AVIL: variants seen among roughly 807,000 people sequenced by gnomAD.
AVIL encodes advillin.
A neutral mutation model predicts 109.9 loss-of-function variants in AVIL; 78 were observed. The observed-to-expected ratio is 0.71, with a 90% CI of 0.59 to 0.86. The LOEUF is 0.86. AVIL is among the 40% of genes least tolerant of loss of function. The pLI, the probability that AVIL is intolerant of heterozygous loss-of-function variation, is 0.00. For synonymous variants in AVIL, 367 were observed against 379.1 expected (o/e 0.97, Z 0.37); for missense variants, 892 against 1,016.5 (o/e 0.88, Z 1.67).
At chr12:57,809,334 A>G (rs1956002596) in intron 9 of AVIL, among the ~76,000 whole-genome samples, 1 of 152,176 alleles carries the variant, frequency 6.6e-6, no homozygotes, top group Non-Finnish European at 1.5e-5. Flanking sequence ...AATCCTCACA[A>G]TAACCCTAGG....
intron 3 of AVIL, 148 bp from the exon 4 acceptor site, chr12:57,813,571 C>T (rs1956065231): frequency 2.6e-6 from 2 of 769,410 alleles, no homozygotes; most frequent in Middle Eastern, 3.9e-4. Context: ...GCTGCCCTGG[C>T]CCCCGAGCAG....
intron 16 of AVIL, 53 bp from the exon 17 acceptor site, chr12:57,802,401 T>C: frequency 6.5e-7 from 1 of 1,527,706 alleles, no homozygotes. Flanking sequence ...AAGGACTAAG[T>C]ACTAGATCAT....
chr12:57,818,019 T>G (rs1242023317), intron 1 of AVIL, among the ~76,000 whole-genome samples: 1 of 151,744 alleles, frequency 6.6e-6, no homozygotes, highest in Non-Finnish European at 1.5e-5. Context: ...GAAGCTGTTT[T>G]TTGTTGTTGT....
Position 57,799,845 on chromosome 12 carries a change from T to C in AVIL, c.2296A>G (p.Lys766Glu). 1 of 1,614,226 alleles carries C rather than the reference T, an allele frequency of 6.2e-7. No individual in the cohort carries two copies. The highest frequency in any genetic ancestry group is 8.5e-7 in the Non-Finnish European group (1 of 1,180,032). Reference protein sequence around the residue: ...PKYYPIAVLLKNQNQELPEDV... With the variant: ...PKYYPIAVLLENQNQELPEDV... ...TCAGGCAGCTCCTGATTCTGGTTTT[T>C]CAACAGAACTGCTATAGGGTAATAT... Residue 766 changes from lysine (K) to glutamate (E), a missense_variant, in exon 19 of 20, where the codon AAA becomes GAA. Coordinates refer to ENST00000549994, the MANE Select transcript of AVIL (RefSeq NM_006576.4).
In AVIL at chr12:57,814,149, C is replaced by T. The variant is rs202052863; in HGVS notation, c.141+3G>A. 3.7e-6 allele frequency: 6 copies of T among 1,612,764 alleles called. No individual in the cohort carries two copies. The highest frequency in any genetic ancestry group is 4.2e-6 in the Non-Finnish European group (5 of 1,179,618). On this transcript the variant is annotated splice_donor_region_variant and intron_variant, in intron 3 of 19. Transcript: ENST00000549994. The stretch of plus-strand genomic sequence containing the variant: ...TCACAGGAGTGGGGAGGAGGGTGCT[C>T]ACCGAGAGGATGACGTAGCAGTCCC...
In AVIL at chr12:57,803,635, T is replaced by C; in HGVS notation, c.1706A>G (p.Glu569Gly). The change falls in exon 15 of 20, where the codon GAG (glutamate) becomes GGG (glycine). Residue 569 changes from glutamate (E) to glycine (G), a missense_variant. Physicochemically the swap from Glu to Gly is moderately conservative, Grantham distance 98. Transcript: ENST00000549994. ...GCCATCACAGAGAAGGCTGGCCAGC[T>C]CCTTAGCCATTGCCCGCTCATCCCC... ...SSGDERAMAKELASLLCDGSE... is the reference protein window; with the variant it reads ...SSGDERAMAKGLASLLCDGSE... 1.2e-6 allele frequency: 2 copies of C among 1,614,110 alleles called. No individual in the cohort carries two copies. Among genetic ancestry groups the C allele is most frequent in the Non-Finnish European group, 1.7e-6 (2 of 1,180,008 alleles).
chr12:57,807,640 A>G lies in AVIL; in HGVS notation c.1282T>C (p.Tyr428His), dbSNP rs767139403. 6 of 1,614,124 alleles carry G rather than the reference A, an allele frequency of 3.7e-6. No homozygotes were observed. The highest frequency in any genetic ancestry group is 2.7e-5 in the African/African-American group (2 of 74,942). ...GGCTTCCCATTTACCTCGTATGTGT[A>G]GAGGACCAGATAACAGTCTCCCCCA... is the stretch of plus-strand genomic sequence containing the variant. Reference protein sequence around the residue: ...FYGGDCYLVLYTYEVNGKPHH... With the variant: ...FYGGDCYLVLHTYEVNGKPHH... The change falls in exon 12 of 20, where the codon TAC (tyrosine) becomes CAC (histidine). Residue 428 changes from tyrosine to histidine, a missense_variant. By Grantham distance (83) the Tyr-to-His change is moderately conservative. Coordinates refer to ENST00000549994, the MANE Select transcript of AVIL (RefSeq NM_006576.4).
chr12:57,800,706 C>T (rs1358934532), intron 18 of AVIL: 1 of 154,996 alleles, frequency 6.5e-6, no homozygotes, highest in Non-Finnish European at 1.4e-5. Context: ...TTCCTGGGTT[C>T]AAGCAGTTCT....
intron 19 of AVIL, among the ~76,000 whole-genome samples, 159 bp from the exon 20 acceptor site, chr12:57,798,154 T>C (rs909326694): frequency 1.3e-5 from 2 of 152,232 alleles, no homozygotes; most frequent in Non-Finnish European, 2.9e-5. Flanking sequence ...AATTATTCAT[T>C]GGAGAGGTGT....
rs368739145 is a variant in AVIL, at chr12:57,813,333, A to G, written c.232T>C (p.Tyr78His). ...SQDEQSCAAI[Y>H]TTQLDDYLGG... ...AGGTAGTCGTCCAGCTGTGTGGTAT[A>G]TATGGCTGCGCAGCTTTGCTCATCC... The change falls in exon 4 of 20, where the codon TAT becomes CAT. Residue 78 changes from tyrosine (Y) to histidine (H), a missense_variant. Physicochemically the swap from Tyr to His is moderately conservative, Grantham distance 83. Transcript: ENST00000549994. The G allele has an allele frequency of 7.4e-6, 12 of 1,613,874 alleles. No individual in the cohort carries two copies. The African/African-American group carries it at 1.5e-4, about 20-fold the overall frequency.
intron 13 of AVIL, 86 bp from the exon 14 acceptor site, chr12:57,806,625 T>TA: frequency 4.7e-6 from 7 of 1,474,572 alleles, no homozygotes; most frequent in Non-Finnish European, 5.6e-6. Context: ...ACGTGAATGT[T>TA]ATAGTATTAT....
At position 57,803,524 on chromosome 12, in the gene AVIL, C is replaced by T; in HGVS notation, c.1817G>A (p.Arg606Lys). 1 of 1,614,176 alleles carries T rather than the reference C, an allele frequency of 6.2e-7. No individual in the cohort carries two copies. Among genetic ancestry groups the T allele is most frequent in the Admixed American group, 1.7e-5 (1 of 60,010 alleles). Residue 606 changes from arginine to lysine, a missense_variant and splice_region_variant, in exon 15 of 20, where the codon AGA becomes AAA. Physicochemically the swap from Arg to Lys is conservative, Grantham distance 26. Transcript: ENST00000549994. ...GGKTPYANDK[R>K]LQQEILDVQS... Reference sequence around the variant, plus strand: ...AGAGGGGGAGGCTGTGTTCCCATACCTTTTATCATTGGCATAGGGAGTTTT... The same window carrying T: ...AGAGGGGGAGGCTGTGTTCCCATACTTTTTATCATTGGCATAGGGAGTTTT...
Position 57,801,031 on chromosome 12 carries a change from CTA to C in AVIL, c.2220+111_2220+112del, listed in dbSNP as rs371474474. ...AAAGTCTTTACATCAAAACAGACAACTATGGTAATACTAAGGACATGAGTTTT... is the reference window on the plus strand; with the variant it reads ...AAAGTCTTTACATCAAAACAGACAACTGGTAATACTAAGGACATGAGTTTT... On this transcript the variant is annotated intron_variant, in intron 18 of 19. Transcript: ENST00000549994. 128 of 803,074 alleles carry C rather than the reference CTA, an allele frequency of 1.6e-4. 1 individual carries two copies. The African/African-American group carries it at 2.1e-3, about 13-fold the overall frequency. The allele number at this position is 803,074 out of a possible 1,614,324, so 49.7% of individuals were successfully genotyped here. A position where few individuals can be genotyped will look rare whatever the true frequency, so the allele number is the denominator to read the frequency against.
chr12:57,810,601 G>C (rs927941564), intron 6 of AVIL, 50 bp from the exon 7 acceptor site: 2 of 1,594,836 alleles, frequency 1.3e-6, no homozygotes, highest in Non-Finnish European at 8.6e-7. Flanking sequence ...ACCCCTTTCT[G>C]CCTGATGTCT....
Position 57,810,537 on chromosome 12 carries a change from T to A in AVIL, c.573A>T (p.Ala191=), listed in dbSNP as rs1258327997. The A allele has an allele frequency of 1.2e-6, 2 of 1,613,572 alleles. No individual in the cohort carries two copies. The highest frequency in any genetic ancestry group is 2.7e-5 in the African/African-American group (2 of 74,896). Reference sequence around the variant, plus strand: ...CTCGCTCCCTGTCTCGAATATCCTTTGCCAGAAGCATAGCCTGTCAAAGAA... The same window carrying A: ...CTCGCTCCCTGTCTCGAATATCCTTAGCCAGAAGCATAGCCTGTCAAAGAA... ...SGERLKAMLL[A]KDIRDRERGG... Residue 191 remains alanine (A), a synonymous_variant, in exon 7 of 20, where the codon GCA becomes GCT. Coordinates refer to ENST00000549994, the MANE Select transcript of AVIL (RefSeq NM_006576.4).
intron 11 of AVIL, chr12:57,807,952 T>C (rs1955976967): frequency 3.7e-6 from 3 of 813,138 alleles, no homozygotes; most frequent in Admixed American, 2.0e-5. Context: ...GCTCGGTCTT[T>C]GCAAGGCTGA....
Position 57,814,276 on chromosome 12 carries a change from C to T in AVIL, c.67-50G>A, listed in dbSNP as rs1956074823. 8.5e-6 allele frequency: 13 copies of T among 1,538,272 alleles called. No homozygotes were observed. The East Asian group carries it at 3.1e-4, about 36-fold the overall frequency. On this transcript the variant is annotated intron_variant, in intron 2 of 19. Coordinates refer to ENST00000549994, the MANE Select transcript of AVIL (RefSeq NM_006576.4). Reference sequence around the variant, plus strand: ...GGCTACATCCCCTCCCACCTCCCTTCCCCATGAGCCTCCCTCTCCTCTCTG... The same window carrying T: ...GGCTACATCCCCTCCCACCTCCCTTTCCCATGAGCCTCCCTCTCCTCTCTG...
chr12:57,806,124 C>T (rs146040190), intron 14 of AVIL: 10 of 439,806 alleles, frequency 2.3e-5, no homozygotes, highest in African/African-American at 1.5e-4. Flanking sequence ...GATGAGCCAC[C>T]GTGCCCAGCT....
rs369062569 is a variant in AVIL, at chr12:57,811,069, C to A, written c.397G>T (p.Val133Leu). The A allele has an allele frequency of 6.2e-7, 1 of 1,614,178 alleles. No homozygotes were observed. The highest frequency in any genetic ancestry group is 1.7e-5 in the Admixed American group (1 of 60,020). The change falls in exon 5 of 20, where the codon GTG becomes TTG. Residue 133 changes from valine to leucine, a missense_variant. By Grantham distance (32) the Val-to-Leu change is conservative. Coordinates refer to ENST00000549994, the MANE Select transcript of AVIL (RefSeq NM_006576.4). ...CCTTTCACATGTAGCAGCCGCTTCA[C>A]GTCGTAGGTATTGGTCTCCACGTGC... ...MKHVETNTYD[V>L]KRLLHVKGKR...
Sources: allele counts gnomAD v4.1 joint callset (sites outside exome capture counted in the v4.1 genomes callset), GRCh38; gene constraint gnomAD v4.1.1; transcripts MANE v1.5; gene names NCBI Gene and HGNC (gene_info 2026-07-23, HGNC 2026-07-21).